Variants in AKNAD1 observed in about 807,000 individuals in gnomAD.
AKNAD1 encodes the protein AKNA domain containing 1.
A neutral mutation model predicts 90.8 loss-of-function variants in AKNAD1; 67 were observed. The ratio of observed to expected loss-of-function variants is 0.74; its 90% CI spans 0.61 to 0.90. The LOEUF is 0.90. Among genes scored for constraint, AKNAD1 ranks in the 40% least tolerant of loss-of-function variants. The pLI, the probability that AKNAD1 is intolerant of heterozygous loss-of-function variation, is 0.00. For missense variants in AKNAD1, 957 were observed against 975.4 expected (o/e 0.98, Z 0.25); for synonymous variants, 327 against 341.4 (o/e 0.96, Z 0.46).
intron 11 of AKNAD1, among the ~76,000 whole-genome samples, chr1:108,826,723 TTTC>T (rs1664004411): frequency 7.0e-6 from 1 of 141,950 alleles, no homozygotes; most frequent in African/African-American, 2.7e-5. Context: ...TGATTCTTTT[TTTC>T]TTTTCTTTTC....
Position 108,851,835 on chromosome 1 carries a change from T to C in AKNAD1, c.830A>G (p.Asn277Ser). Residue 277 changes from asparagine (N) to serine (S), a missense_variant, in exon 2 of 16, where the codon AAT becomes AGT. Transcript: ENST00000370001. ...KVKIPKNKII[N>S]KPLAIAKQAS... ...TTGTTTAGCTATTGCAAGTGGTTTATTAATTATCTTATTTTTAGGAATTTT... is the reference window on the plus strand; with the variant it reads ...TTGTTTAGCTATTGCAAGTGGTTTACTAATTATCTTATTTTTAGGAATTTT... 6.2e-7 allele frequency: 1 copy of C among 1,613,916 alleles called. No individual in the cohort carries two copies. Among genetic ancestry groups the C allele is most frequent in the Non-Finnish European group, 8.5e-7 (1 of 1,179,912 alleles).
chr1:108,852,451 G>C lies in AKNAD1; in HGVS notation c.214C>G (p.Pro72Ala), dbSNP rs762825848. The C allele has an allele frequency of 6.8e-6, 11 of 1,613,750 alleles. No homozygotes were observed. Among genetic ancestry groups the C allele is most frequent in the Admixed American group, 1.7e-5 (1 of 59,932 alleles). ...ETCGNTAVTI[P>A]LGKITENAAN... The stretch of plus-strand genomic sequence containing the variant: ...GCATTTTCAGTAATTTTACCCAGGG[G>C]TATGGTCACAGCTGTATTTCCACAA... The change falls in exon 2 of 16, where the codon CCC becomes GCC. Residue 72 changes from proline to alanine, a missense_variant. Pro to Ala is a conservative substitution (Grantham distance 27). Coordinates refer to ENST00000370001, the MANE Select transcript of AKNAD1 (RefSeq NM_152763.5).
intron 6 of AKNAD1, 98 bp from the exon 7 acceptor site, chr1:108,837,804 A>AATGTGGCCTGT: frequency 7.6e-7 from 1 of 1,324,266 alleles, no homozygotes. Flanking sequence ...TTATATTATT[A>AATGTGGCCTGT]ATGTGGCCTG....
rs1664780505 is a variant in AKNAD1, at chr1:108,849,051, G to T, written c.1043C>A (p.Ser348Tyr). 1 of 1,596,346 alleles carries T rather than the reference G, an allele frequency of 6.3e-7. No individual in the cohort carries two copies. Among genetic ancestry groups the T allele is most frequent in the African/African-American group, 1.4e-5 (1 of 74,008 alleles). The change falls in exon 4 of 16, where the codon TCT (serine) becomes TAT (tyrosine). Residue 348 changes from serine (S) to tyrosine (Y), a missense_variant. Transcript: ENST00000370001. ...IHQELLTGIE[S>Y]EASLSKLSPT... ...TGACAACTTAGAGAGACTTGCCTCA[G>T]ATTCTATTCCTATACAAGAAAGAAC...
chr1:108,842,947 A>C (rs1340705380), intron 6 of AKNAD1, among the ~76,000 whole-genome samples, 187 bp downstream of exon 6: 3 of 152,160 alleles, frequency 2.0e-5, no homozygotes, highest in Non-Finnish European at 4.4e-5. Flanking sequence ...CCAGCACAGC[A>C]CCTTACACTC....
chr1:108,835,287 G>T (rs1664347052), intron 7 of AKNAD1, among the ~76,000 whole-genome samples: 1 of 152,100 alleles, frequency 6.6e-6, no homozygotes, highest in South Asian at 2.1e-4. Context: ...CAAACCTTCT[G>T]CATTTAGTTA....
Position 108,817,151 on chromosome 1 carries a change from T to C in AKNAD1, c.2276A>G (p.Tyr759Cys), listed in dbSNP as rs765392189. 1.6e-5 allele frequency: 26 copies of C among 1,614,048 alleles called. No individual in the cohort carries two copies. In the African/African-American group the frequency reaches 2.0e-4, roughly 12 times the overall value. ...TGAGGGTGTTGCAGGGTCTGAGCTG[T>C]AGGTCATGAAAGCCTGAAGTTTTTT... ...GKKKLQAFMT[Y>C]SSDPATPSPH... Residue 759 changes from tyrosine (Y) to cysteine (C), a missense_variant, in exon 15 of 16, where the codon TAC becomes TGC. Coordinates refer to ENST00000370001, the MANE Select transcript of AKNAD1 (RefSeq NM_152763.5).
intron 11 of AKNAD1, 151 bp from the exon 12 acceptor site, chr1:108,823,839 G>T: frequency 8.5e-7 from 1 of 1,169,706 alleles, no homozygotes; most frequent in South Asian, 1.6e-5. Context: ...GGAGTTGCCA[G>T]CCTGGGGTAA....
intron 6 of AKNAD1, among the ~76,000 whole-genome samples, chr1:108,839,599 A>T (rs1241786090): frequency 6.6e-6 from 1 of 151,190 alleles, no homozygotes; most frequent in Non-Finnish European, 1.5e-5. Context: ...CCATTTGATT[A>T]AACATTTTCT....
chr1:108,831,645 CTTT>C (rs869205220), intron 9 of AKNAD1, among the ~76,000 whole-genome samples: 2 of 141,186 alleles, frequency 1.4e-5, no homozygotes, highest in South Asian at 2.2e-4. Context: ...CTACCTGTGA[CTTT>C]TTTTTTTTTT....
intron 9 of AKNAD1, among the ~76,000 whole-genome samples, chr1:108,832,576 G>A (rs1424649320): frequency 6.6e-6 from 1 of 152,102 alleles, no homozygotes. Flanking sequence ...ATTTGTCACA[G>A]CATTTGATAT....
In AKNAD1 at chr1:108,827,312, G is replaced by T. The variant is rs745843903; in HGVS notation, c.1839-10C>A. 6 of 1,588,114 alleles carry T rather than the reference G, an allele frequency of 3.8e-6. No individual in the cohort carries two copies. In the East Asian group the frequency reaches 6.9e-5, roughly 18 times the overall value. On this transcript the variant is annotated splice_polypyrimidine_tract_variant and intron_variant, in intron 10 of 15. Transcript: ENST00000370001. ...CTCCACGTTTTGCTTCCTAAAAAAA[G>T]GTGCATAAGATCCTGTAAACTTTTA...
intron 14 of AKNAD1, among the ~76,000 whole-genome samples, chr1:108,818,317 C>T (rs1465949300): frequency 2.6e-5 from 4 of 152,168 alleles, no homozygotes; most frequent in African/African-American, 9.7e-5. Context: ...CTCTCCCCTA[C>T]CATAGGAGCA....
intron 10 of AKNAD1, among the ~76,000 whole-genome samples, chr1:108,829,846 G>A (rs1051648626): frequency 2.0e-5 from 3 of 152,222 alleles, no homozygotes; most frequent in Admixed American, 1.3e-4. Context: ...GGAGTCCACA[G>A]TGAGCTTAGA....
intron 6 of AKNAD1, among the ~76,000 whole-genome samples, chr1:108,839,341 CG>C (rs1432269214): frequency 3.3e-5 from 5 of 152,034 alleles, no homozygotes; most frequent in African/African-American, 1.2e-4. Flanking sequence ...GAAAACTTGG[CG>C]GATGCTTGTA....
At chr1:108,839,603 A>G (rs906704432) in intron 6 of AKNAD1, among the ~76,000 whole-genome samples, 2 of 150,798 alleles carry the variant, frequency 1.3e-5, no homozygotes, top group African/African-American at 5.0e-5. Flanking sequence ...TTGATTAAAC[A>G]TTTTCTTGAA....
At chr1:108,841,530 C>G (rs1664552840) in intron 6 of AKNAD1, among the ~76,000 whole-genome samples, 2 of 152,090 alleles carry the variant, frequency 1.3e-5, no homozygotes, top group African/African-American at 2.4e-5. Context: ...TGCATGAAAT[C>G]CAAGCAAATA....
intron 9 of AKNAD1, among the ~76,000 whole-genome samples, chr1:108,830,890 T>C (rs571026179): frequency 5.5e-4 from 84 of 152,356 alleles, no homozygotes; most frequent in Admixed American, 7.8e-4. Flanking sequence ...TCTAATGGCC[T>C]GGGCTGAAGA....
chr1:108,834,653 A>G, intron 8 of AKNAD1, 125 bp from the exon 9 acceptor site: 1 of 1,028,262 alleles, frequency 9.7e-7, no homozygotes, highest in Non-Finnish European at 1.4e-6. Context: ...CCTAAGGCAG[A>G]GAGTGCTATG....
Sources: gnomAD v4.1 joint callset for allele counts (sites outside exome capture counted in the v4.1 genomes callset) on GRCh38, gnomAD v4.1.1 for gene constraint, MANE v1.5 for transcripts, NCBI Gene and HGNC (gene_info 2026-07-23, HGNC 2026-07-21) for gene names.